The following CRACR2A variants were observed in gnomAD, a reference collection of about 807,000 sequenced individuals.
CRACR2A encodes the protein calcium release activated channel regulator 2A, also known as EF-hand calcium-binding domain-containing protein 4B.
A neutral mutation model predicts 90.5 loss-of-function variants in CRACR2A; 79 were observed. The observed-to-expected ratio is 0.87, with a 90% CI of 0.73 to 1.05. The LOEUF (loss-of-function observed/expected upper bound fraction) is 1.05. CRACR2A is among the 50% of genes least tolerant of loss of function. CRACR2A has a pLI of 0.00. For synonymous variants in CRACR2A, 338 were observed against 356.7 expected (o/e 0.95, Z 0.59); for missense variants, 823 against 897.2 (o/e 0.92, Z 1.06).
chr12:3,622,949 T>G (rs1365113204), intron 17 of CRACR2A, among the ~76,000 whole-genome samples: 1 of 152,208 alleles, frequency 6.6e-6, no homozygotes, highest in Admixed American at 6.5e-5. Context: ...TGCTGTACAT[T>G]GTCACCAATG....
rs142593922 is a variant in CRACR2A at position 3,705,259 on chromosome 12, C to T, written c.-37+7978G>A. 2.6e-3 allele frequency among the ~76,000 whole-genome samples: 401 copies of T among 152,298 alleles called. 5 individuals carry two copies. Among genetic ancestry groups the T allele is most frequent in the African/African-American group, 9.0e-3 (375 of 41,558 alleles). ...CCCTCCAGAATGATTCCATAAAAGC[C>T]GTTATAAACAGATGGGAATTATCCA... is the stretch of plus-strand genomic sequence containing the variant. On this transcript the variant is annotated intron_variant, in intron 3 of 19. Transcript: ENST00000440314.
At chr12:3,690,015 T>C (rs983983164) in intron 4 of CRACR2A, among the ~76,000 whole-genome samples, 1 of 152,134 alleles carries the variant, frequency 6.6e-6, no homozygotes, top group Non-Finnish European at 1.5e-5. Context: ...CCATTACTAA[T>C]TGTGTTTATT....
rs187074653 is a variant in CRACR2A, at chr12:3,682,137, G to T, written c.229-1788C>A. On this transcript the variant is annotated intron_variant, in intron 4 of 19. Transcript: ENST00000440314. ...ATAAGAAGCATCACACCTGAGGTAG[G>T]GTAAAAGCGCAAGCTCCTGTCACGC... Among the ~76,000 whole-genome samples, 265 of 152,298 alleles carry T rather than the reference G, an allele frequency of 1.7e-3. 4 individuals carry two copies. The highest frequency in any genetic ancestry group is 3.3e-3 in the Non-Finnish European group (223 of 68,030).
At chr12:3,631,031 C>T (rs887898258) in intron 15 of CRACR2A, among the ~76,000 whole-genome samples, 6 of 152,180 alleles carry the variant, frequency 3.9e-5, no homozygotes, top group Non-Finnish European at 8.8e-5. Flanking sequence ...AGCTTTGGCC[C>T]GAGAGGCTGT....
chr12:3,716,971 T>C (rs1487078286), intron 2 of CRACR2A, among the ~76,000 whole-genome samples: 5 of 152,202 alleles, frequency 3.3e-5, no homozygotes, highest in Admixed American at 6.5e-5. Flanking sequence ...GAAGACGCTT[T>C]GTACAAGCCA....
intron 13 of CRACR2A, among the ~76,000 whole-genome samples, chr12:3,639,306 C>T (rs1458377053): frequency 1.3e-5 from 2 of 152,060 alleles, no homozygotes; most frequent in Admixed American, 1.3e-4. Context: ...GCACTAAGGG[C>T]AAGGAGAAGC....
intron 7 of CRACR2A, among the ~76,000 whole-genome samples, chr12:3,670,123 C>T (rs945334402): frequency 1.3e-5 from 2 of 152,172 alleles, no homozygotes; most frequent in African/African-American, 2.4e-5. Flanking sequence ...TAACTCAGAG[C>T]CTGGCATGGA....
Position 3,615,402 on chromosome 12 carries a change from T to C in CRACR2A, c.2149A>G (p.Thr717Ala), listed in dbSNP as rs1867658904. 2 of 1,551,488 alleles carry C rather than the reference T, an allele frequency of 1.3e-6. No individual in the cohort carries two copies. The highest frequency in any genetic ancestry group is 2.4e-5 in the East Asian group (1 of 40,916). Residue 717 changes from threonine (T) to alanine (A), a missense_variant, in exon 20 of 20, where the codon ACC becomes GCC. Physicochemically the swap from Thr to Ala is moderately conservative, Grantham distance 58. Coordinates refer to ENST00000440314, the MANE Select transcript of CRACR2A (RefSeq NM_001144958.2). ...KEQEDTVRED[T>A]IQVGHPAKKK... Reference sequence around the variant, plus strand: ...TTAGCAGGGTGGCCGACCTGAATGGTGTCCTCTCTCACTGTGTCTTCTTGC... The same window carrying C: ...TTAGCAGGGTGGCCGACCTGAATGGCGTCCTCTCTCACTGTGTCTTCTTGC...
chr12:3,691,953 G>A (rs191315592), intron 4 of CRACR2A, among the ~76,000 whole-genome samples: 11 of 152,294 alleles, frequency 7.2e-5, no homozygotes, highest in African/African-American at 2.4e-4. Context: ...TAATACTTGT[G>A]ATTGAATCAT....
intron 1 of CRACR2A, among the ~76,000 whole-genome samples, chr12:3,750,394 G>C (rs1946687176): frequency 6.6e-6 from 1 of 152,182 alleles, no homozygotes; most frequent in South Asian, 2.1e-4. Flanking sequence ...CAAAGACTCA[G>C]TTTCTCCATC....
At chr12:3,752,240 C>T (rs967404288) in intron 1 of CRACR2A, among the ~76,000 whole-genome samples, 3 of 152,178 alleles carry the variant, frequency 2.0e-5, no homozygotes, top group African/African-American at 7.2e-5. Flanking sequence ...ACTGTGTAAA[C>T]AGATAAATGA....
At chr12:3,641,896 A>T in intron 12 of CRACR2A, 58 bp from the exon 13 acceptor site, 1 of 1,460,876 alleles carries the variant, frequency 6.8e-7, no homozygotes, top group Non-Finnish European at 9.4e-7. Context: ...GTTTGAACAG[A>T]AAAGGGCTCA....
At chr12:3,661,723 G>T (rs1375261735) in intron 7 of CRACR2A, among the ~76,000 whole-genome samples, 1 of 152,182 alleles carries the variant, frequency 6.6e-6, no homozygotes, top group African/African-American at 2.4e-5. Flanking sequence ...TCCTGTGTTT[G>T]AAGAAACTCA....
chr12:3,641,281 T>G (rs966276348), intron 13 of CRACR2A, among the ~76,000 whole-genome samples: 5 of 152,086 alleles, frequency 3.3e-5, no homozygotes, highest in Admixed American at 2.6e-4. Context: ...GAGGCAAAGG[T>G]TGCAGTGAGC....
intron 10 of CRACR2A, among the ~76,000 whole-genome samples, chr12:3,648,974 G>A (rs1944743848): frequency 6.6e-6 from 1 of 151,962 alleles, no homozygotes; most frequent in Admixed American, 6.6e-5. Context: ...CTAAAGAGTT[G>A]GTCCAGGCTC....
intron 1 of CRACR2A, among the ~76,000 whole-genome samples, chr12:3,750,674 C>T (rs1386251319): frequency 6.6e-6 from 1 of 152,158 alleles, no homozygotes. Flanking sequence ...GGAAGAAAAG[C>T]AAGAGAGAGA....
intron 17 of CRACR2A, among the ~76,000 whole-genome samples, chr12:3,620,883 A>T (rs1191747411): frequency 3.3e-5 from 5 of 152,246 alleles, no homozygotes. Flanking sequence ...GATTGTACAT[A>T]TTCCAACTAC....
Position 3,654,408 on chromosome 12 carries a change from G to T in CRACR2A, c.859-9C>A, listed in dbSNP as rs371753815. 6.3e-7 allele frequency: 1 copy of T among 1,580,608 alleles called. No homozygotes were observed. Among genetic ancestry groups the T allele is most frequent in the African/African-American group, 1.4e-5 (1 of 72,876 alleles). On this transcript the variant is annotated splice_polypyrimidine_tract_variant and intron_variant, in intron 9 of 19. Transcript: ENST00000440314. ...GTGCACTGACCTTCCAGCTGCAAAG[G>T]AATGGGGAGCAGAGGGGAATGAGGA...
intron 1 of CRACR2A, among the ~76,000 whole-genome samples, chr12:3,745,825 T>A (rs55742758): frequency 1.0e-5 from 1 of 100,486 alleles, no homozygotes; most frequent in Non-Finnish European, 2.0e-5. Context: ...TAAAATAAAA[T>A]AAAGAAAGAA....
Sources: gnomAD v4.1 joint callset for allele counts (sites outside exome capture counted in the v4.1 genomes callset) on GRCh38, gnomAD v4.1.1 for gene constraint, MANE v1.5 for transcripts, NCBI Gene and HGNC (gene_info 2026-07-23, HGNC 2026-07-21) for gene names.